Variants in BRWD1 observed in about 807,000 individuals in gnomAD.
BRWD1 encodes bromodomain and WD repeat-containing protein 1.
Under a neutral mutation model 251.2 loss-of-function variants are expected in BRWD1, and 82 were observed. The ratio of observed to expected loss-of-function variants is 0.33; its 90% confidence interval spans 0.27 to 0.39. The LOEUF (loss-of-function observed/expected upper bound fraction) is 0.39, where lower values mean the gene tolerates loss of function less well. Among genes scored for constraint, BRWD1 ranks in the 10% least tolerant of loss-of-function variants. The probability of loss-of-function intolerance (pLI) is 1.00; values close to 1 mark genes in which losing one functional copy is unlikely to be tolerated. For missense variants in BRWD1, 2,233 were observed against 2,711.6 expected (o/e 0.82, Z 3.92); for synonymous variants, 918 against 902.8 (o/e 1.02, Z -0.30).
At chr21:39,273,908 C>G (rs2035198536) in intron 13 of BRWD1, among the ~76,000 whole-genome samples, 1 of 152,210 alleles carries the variant, frequency 6.6e-6, no homozygotes, top group Non-Finnish European at 1.5e-5. Context: ...GAGTCTCGCT[C>G]TGTCACCCAG....
chr21:39,233,082 ACT>A (rs768808802), intron 23 of BRWD1, among the ~76,000 whole-genome samples: 87 of 152,204 alleles, frequency 5.7e-4, no homozygotes, highest in Non-Finnish European at 1.0e-3. Flanking sequence ...TAAATCATTC[ACT>A]CTGAGGAAAA....
rs186244530 is a variant in BRWD1, at chr21:39,306,168, C to G, written c.198+6673G>C. On this transcript the variant is annotated intron_variant, in intron 4 of 40. Coordinates refer to ENST00000342449, the MANE Select transcript of BRWD1 (RefSeq NM_033656.4). ...CACTGCAACCTCTGCTTCCCGGGTTCAAGTGATTCTCCTGCCTCAGCCTCC... is the reference window on the plus strand; with the variant it reads ...CACTGCAACCTCTGCTTCCCGGGTTGAAGTGATTCTCCTGCCTCAGCCTCC... 1.7e-3 allele frequency among the ~76,000 whole-genome samples: 259 copies of G among 151,004 alleles called. 1 individual carries two copies. The highest frequency in any genetic ancestry group is 6.1e-3 in the African/African-American group (252 of 41,080).
At chr21:39,307,043 G>A (rs945847391) in intron 4 of BRWD1, among the ~76,000 whole-genome samples, 3 of 152,044 alleles carry the variant, frequency 2.0e-5, no homozygotes, top group Admixed American at 6.6e-5. Context: ...TAGTAGAGAC[G>A]GGGTTTCACC....
At chr21:39,276,335 C>A in intron 11 of BRWD1, 122 bp from the exon 12 acceptor site, 1 of 688,298 alleles carries the variant, frequency 1.5e-6, no homozygotes. Context: ...ACTTGTGTTG[C>A]TTAGCCCTGT....
chr21:39,212,787 A>G, intron 33 of BRWD1, 80 bp from the exon 34 acceptor site: 1 of 1,037,956 alleles, frequency 9.6e-7, no homozygotes, highest in African/African-American at 1.7e-5. Flanking sequence ...ATAACATATC[A>G]AAGACATTTG....
rs538812838 is a variant in BRWD1, at chr21:39,259,823, G to A, written c.1886-1151C>T. Among the ~76,000 whole-genome samples, 6 of 152,122 alleles carry A rather than the reference G, an allele frequency of 3.9e-5. No homozygotes were observed. The East Asian group carries it at 7.8e-4, about 20-fold the overall frequency. On this transcript the variant is annotated intron_variant, in intron 17 of 40. Coordinates refer to ENST00000342449, the MANE Select transcript of BRWD1 (RefSeq NM_033656.4). Reference sequence around the variant, plus strand: ...CTGCACTCTAGCCTGGGTGACAAGAGTCAAACTGTGTCTCAAAAAAATAAA... The same window carrying A: ...CTGCACTCTAGCCTGGGTGACAAGAATCAAACTGTGTCTCAAAAAAATAAA...
chr21:39,315,506 C>T (rs574233068), upstream of BRWD1, among the ~76,000 whole-genome samples: 2 of 152,060 alleles, frequency 1.3e-5, no homozygotes, highest in South Asian at 4.2e-4. Context: ...TGGCAGTGCG[C>T]GCCTCTAGTC....
At chr21:39,281,249 A>C (rs531550322) in intron 8 of BRWD1, among the ~76,000 whole-genome samples, 30 of 152,332 alleles carry the variant, frequency 2.0e-4, no homozygotes, top group Admixed American at 5.9e-4. Flanking sequence ...TTACAGCAAT[A>C]TACAGTATTG....
At position 39,245,601 on chromosome 21, in the gene BRWD1, GTT is replaced by G. The variant is rs11298805; in HGVS notation, c.2481+2098_2481+2099del. Among the ~76,000 whole-genome samples the G allele has an allele frequency of 7.8e-3, 922 of 118,746 alleles. 2 individuals carry two copies. The highest frequency in any genetic ancestry group is 0.012 in the Non-Finnish European group (664 of 54,888). The allele number at this position is 118,746 out of a possible 152,430, so 77.9% of individuals were successfully genotyped here. The stretch of plus-strand genomic sequence containing the variant: ...GTAGTATTAAATACTTTTTTTTTTG[GTT>G]TTTTTTTTTTTTTGAAACAAGAGTC... On this transcript the variant is annotated intron_variant, in intron 21 of 40. Coordinates refer to ENST00000342449, the MANE Select transcript of BRWD1 (RefSeq NM_033656.4).
intron 23 of BRWD1, among the ~76,000 whole-genome samples, chr21:39,233,465 G>A (rs1313923738): frequency 6.6e-6 from 1 of 151,480 alleles, no homozygotes; most frequent in Non-Finnish European, 1.5e-5. Flanking sequence ...CAAATAAATA[G>A]GGATGTTATT....
Position 39,218,583 on chromosome 21 carries a change from C to G in BRWD1, c.3460G>C (p.Ala1154Pro), listed in dbSNP as rs774352116. The change falls in exon 30 of 41, where the codon GCT (alanine) becomes CCT (proline). Residue 1154 changes from alanine to proline, a missense_variant. Coordinates refer to ENST00000342449, the MANE Select transcript of BRWD1 (RefSeq NM_033656.4). ...ELEKLLYKPQ[A>P]GEWGQKSRDE... The stretch of plus-strand genomic sequence containing the variant: ...CTTGATTTCTGACCCCATTCACCAG[C>G]TTGTGGTTTATAGAGCAATTTCTCT... 6.2e-7 allele frequency: 1 copy of G among 1,612,598 alleles called. No individual in the cohort carries two copies. Among genetic ancestry groups the G allele is most frequent in the South Asian group, 1.1e-5 (1 of 90,890 alleles).
At chr21:39,308,743 GA>G (rs1237192533) in intron 4 of BRWD1, among the ~76,000 whole-genome samples, 1 of 152,030 alleles carries the variant, frequency 6.6e-6, no homozygotes, top group Non-Finnish European at 1.5e-5. Flanking sequence ...AAACCACTAA[GA>G]AAAAGGAACA....
chr21:39,185,224 TGACA>T (rs1165218569), downstream of BRWD1: 2 of 139,008 alleles, frequency 1.4e-5, no homozygotes, highest in East Asian at 4.2e-4. Context: ...TCTCAAATAC[TGACA>T]GAAATTAACC....
At position 39,196,999 on chromosome 21, in the gene BRWD1, A is replaced by G. The variant is rs774709031; in HGVS notation, c.6070T>C (p.Leu2024=). The change falls in exon 41 of 41, where the codon TTG becomes CTG. Residue 2024 remains leucine (L), a synonymous_variant. Transcript: ENST00000342449. The part of the protein sequence containing the change: ...LNGDSDSEDM[L]NSEHKHRHTN... Reference sequence around the variant, plus strand: ...TGCCTGTGCTTGTGTTCTGAATTCAACATATCTTCAGAGTCTGAGTCTCCA... The same window carrying G: ...TGCCTGTGCTTGTGTTCTGAATTCAGCATATCTTCAGAGTCTGAGTCTCCA... The G allele has an allele frequency of 6.2e-7, 1 of 1,614,102 alleles. No homozygotes were observed. The highest frequency in any genetic ancestry group is 8.5e-7 in the Non-Finnish European group (1 of 1,179,946).
In BRWD1 at chr21:39,255,659, T is replaced by C. The variant is rs1303809547; in HGVS notation, c.2241A>G (p.Pro747=). Residue 747 remains proline (P), a synonymous_variant, in exon 19 of 41, where the codon CCA becomes CCG. Transcript: ENST00000342449. ...WKRRVVVPEV[P]LGIFRKLEDF... is the part of the protein sequence containing the mutation. ...CTAAAACAAACCTAAATATGCCTAG[T>C]GGTACCTCTGGTACAACCACTCTTC... 1 of 1,614,060 alleles carries C rather than the reference T, an allele frequency of 6.2e-7. No homozygotes were observed. The highest frequency in any genetic ancestry group is 8.5e-7 in the Non-Finnish European group (1 of 1,179,900).
chr21:39,223,825 T>C (rs1010848900), intron 29 of BRWD1, among the ~76,000 whole-genome samples: 9 of 152,114 alleles, frequency 5.9e-5, no homozygotes, highest in Admixed American at 5.2e-4. Context: ...GTAGGAAAAG[T>C]AGAGGCTACA....
chr21:39,314,552 G>A (rs1261373802), upstream of BRWD1: 7 of 347,550 alleles, frequency 2.0e-5, no homozygotes, highest in Non-Finnish European at 4.0e-5. Context: ...TGAGGTTGGA[G>A]AGGTGGACGA....
In BRWD1 at chr21:39,225,143, C is replaced by G; in HGVS notation, c.3263G>C (p.Ser1088Thr). ...ATACTGTGGTTGATATGGCTCTTGA[C>G]TTAACACTGTTCCAAACCACCAAGC... ...DDAWWFGTVLSQEPYQPQYPD... is the reference protein window; with the variant it reads ...DDAWWFGTVLTQEPYQPQYPD... Residue 1088 changes from serine to threonine, a missense_variant, in exon 28 of 41, where the codon AGT (serine) becomes ACT (threonine). Ser to Thr is a moderately conservative substitution (Grantham distance 58, BLOSUM62 1). Coordinates refer to ENST00000342449, the MANE Select transcript of BRWD1 (RefSeq NM_033656.4). 6.2e-7 allele frequency: 1 copy of G among 1,613,622 alleles called. No individual in the cohort carries two copies. The highest frequency in any genetic ancestry group is 8.5e-7 in the Non-Finnish European group (1 of 1,179,720).
intron 15 of BRWD1, among the ~76,000 whole-genome samples, chr21:39,267,034 AAG>A (rs1187218107): frequency 6.6e-6 from 1 of 152,238 alleles, no homozygotes; most frequent in Admixed American, 6.5e-5. Context: ...AAGGATAGTT[AAG>A]GTAATGGATG....
Sources: gnomAD v4.1 joint callset for allele counts (sites outside exome capture counted in the v4.1 genomes callset) on GRCh38, gnomAD v4.1.1 for gene constraint, MANE v1.5 for transcripts, NCBI Gene and HGNC (gene_info 2026-07-23, HGNC 2026-07-21) for gene names.